The following SLC25A40 variants were observed in gnomAD, a reference collection of about 807,000 sequenced individuals.
SLC25A40 encodes the protein solute carrier family 25 member 40.
In SLC25A40, 41 loss-of-function variants were observed where a neutral mutation model predicts 46.5. The ratio of observed to expected loss-of-function variants is 0.88; its 90% CI spans 0.69 to 1.14. SLC25A40 has a LOEUF of 1.14. SLC25A40 is among the 50% of genes most tolerant of loss of function. SLC25A40 has a pLI of 0.00. For missense variants in SLC25A40, 386 were observed against 393.6 expected, an observed-to-expected ratio of 0.98 and a Z score of 0.16; for synonymous variants, 126 against 127.5, an observed-to-expected ratio of 0.99 and a Z score of 0.08.
intron 5 of SLC25A40, 132 bp downstream of exon 5, chr7:87,854,072 G>T: frequency 1.6e-6 from 1 of 638,344 alleles, no homozygotes; most frequent in Middle Eastern, 3.2e-4. Flanking sequence ...GTTAACAAAG[G>T]GTTAAAAGCA....
chr7:87,875,237 T>C (rs1838973523), intron 1 of SLC25A40, among the ~76,000 whole-genome samples: 1 of 152,194 alleles, frequency 6.6e-6, no homozygotes, highest in African/African-American at 2.4e-5. Context: ...TTCTCTCGAG[T>C]CATAAACATC....
At chr7:87,848,909 C>T (rs1186484112) in intron 6 of SLC25A40, among the ~76,000 whole-genome samples, 2 of 152,126 alleles carry the variant, frequency 1.3e-5, no homozygotes, top group Non-Finnish European at 2.9e-5. Context: ...TAACTTTAAA[C>T]CTTAAACATT....
chr7:87,868,214 A>G (rs1838835566), intron 1 of SLC25A40, among the ~76,000 whole-genome samples: 1 of 152,192 alleles, frequency 6.6e-6, no homozygotes, highest in Non-Finnish European at 1.5e-5. Context: ...TATAGAAACC[A>G]TGAATTAAAG....
intron 5 of SLC25A40, among the ~76,000 whole-genome samples, chr7:87,852,976 A>G (rs1838542271): frequency 6.6e-6 from 1 of 152,222 alleles, no homozygotes; most frequent in African/African-American, 2.4e-5. Flanking sequence ...CCTATAAAAG[A>G]TATTAATAAA....
chr7:87,841,129 C>T (rs979455396), intron 10 of SLC25A40, among the ~76,000 whole-genome samples: 1 of 142,622 alleles, frequency 7.0e-6, no homozygotes. Context: ...AGCTTAAAAA[C>T]AAAATGTGTG....
chr7:87,840,042 T>C (rs1838308612), intron 10 of SLC25A40, among the ~76,000 whole-genome samples: 1 of 151,868 alleles, frequency 6.6e-6, no homozygotes, highest in Non-Finnish European at 1.5e-5. Flanking sequence ...AACTGAAATA[T>C]ATCTTAGTAA....
intron 1 of SLC25A40, among the ~76,000 whole-genome samples, chr7:87,874,703 C>T (rs1355919474): frequency 6.6e-6 from 1 of 152,222 alleles, no homozygotes; most frequent in African/African-American, 2.4e-5. Context: ...CAAAAATGTT[C>T]ATTTAATCTT....
intron 1 of SLC25A40, among the ~76,000 whole-genome samples, chr7:87,871,544 T>C (rs954309721): frequency 1.6e-4 from 25 of 152,232 alleles, no homozygotes; most frequent in African/African-American, 6.0e-4. Context: ...TAACTACATT[T>C]TGGAATAATT....
intron 4 of SLC25A40, among the ~76,000 whole-genome samples, chr7:87,855,392 T>A (rs1406207300): frequency 6.6e-6 from 1 of 152,204 alleles, no homozygotes; most frequent in African/African-American, 2.4e-5. Flanking sequence ...TCTCTTTTTC[T>A]GTATCTGTAC....
At chr7:87,845,108 A>G (rs1838392039) in intron 8 of SLC25A40, among the ~76,000 whole-genome samples, 1 of 152,174 alleles carries the variant, frequency 6.6e-6, no homozygotes, top group East Asian at 1.9e-4. Context: ...ACAGAGTGAG[A>G]CCCTGACCAA....
In SLC25A40 at chr7:87,836,664, T is replaced by G. The variant is rs1053217487; in HGVS notation, c.904+66A>C. 73 of 1,076,430 alleles carry G rather than the reference T, an allele frequency of 6.8e-5. No homozygotes were observed. The African/African-American group carries it at 1.1e-3, about 16-fold the overall frequency. The allele number at this position is 1,076,430 out of a possible 1,614,324, so 66.7% of individuals were successfully genotyped here. A position where few individuals can be genotyped will look rare whatever the true frequency, so the allele number is the denominator to read the frequency against. ...CCTATAACTTCCTCCTATAAGTTAA[T>G]TTTAGAAGGTAATATTTTAAAAGTA... is the stretch of plus-strand genomic sequence containing the variant. On this transcript the variant is annotated intron_variant, in intron 11 of 11. Coordinates refer to ENST00000341119, the MANE Select transcript of SLC25A40 (RefSeq NM_018843.4).
At chr7:87,854,988 C>T (rs555991013) in intron 4 of SLC25A40, among the ~76,000 whole-genome samples, 1 of 151,618 alleles carries the variant, frequency 6.6e-6, no homozygotes, top group East Asian at 1.9e-4. Context: ...AGTGAGCCTC[C>T]ATCTCTACAA....
In SLC25A40 at chr7:87,836,252, G is replaced by A; in HGVS notation, c.1014C>T (p.Tyr338=). Residue 338 remains tyrosine, a synonymous_variant, in exon 12 of 12, where the codon TAC becomes TAT. Transcript: ENST00000341119. ...FQKQNVRRQQ[Y] ...GTTTCAAGTTGAAACAGCATCACTAGTATTGCTGCCTTCGAACATTTTGTT... is the reference window on the plus strand; with the variant it reads ...GTTTCAAGTTGAAACAGCATCACTAATATTGCTGCCTTCGAACATTTTGTT... 2 of 1,577,506 alleles carry A rather than the reference G, an allele frequency of 1.3e-6. No homozygotes were observed. Among genetic ancestry groups the A allele is most frequent in the Admixed American group, 1.8e-5 (1 of 54,444 alleles).
At chr7:87,847,641 C>T (rs932442024) in intron 7 of SLC25A40, among the ~76,000 whole-genome samples, 1 of 152,256 alleles carries the variant, frequency 6.6e-6, no homozygotes, top group South Asian at 2.1e-4. Context: ...CATGATTTGA[C>T]CAAAATAGGC....
At chr7:87,857,084 A>G (rs111251748) in intron 3 of SLC25A40, among the ~76,000 whole-genome samples, 1 of 152,216 alleles carries the variant, frequency 6.6e-6, no homozygotes, top group African/African-American at 2.4e-5. Context: ...TTAAAATGCT[A>G]AACTATCACC....
At position 87,844,114 on chromosome 7, in the gene SLC25A40, G is replaced by A. The variant is rs1838378021; in HGVS notation, c.632-251C>T. On this transcript the variant is annotated intron_variant, in intron 8 of 11. Transcript: ENST00000341119. ...GACTATAATTCCAAAACCTGACAAG[G>A]ACAACGGGACAAAGGAAAAAAGTAA... 1.4e-5 allele frequency: 5 copies of A among 365,736 alleles called. No homozygotes were observed. The South Asian group carries it at 5.6e-4, about 41-fold the overall frequency. 22.7% of individuals were successfully genotyped at this position (365,736 alleles called of 1,614,324 possible).
chr7:87,836,732 G>GA lies in SLC25A40; in HGVS notation c.901dup (p.Ser301PhefsTer9). On this transcript the variant is annotated frameshift_variant, in exon 11 of 12. Transcript: ENST00000341119. LOFTEE classifies it high-confidence loss of function. ...TTCGGTAAAGCAAGTATTTTTACCTGAAAATAATCCGGAAAATCCATTTTT... is the reference window on the plus strand; with the variant it reads ...TTCGGTAAAGCAAGTATTTTTACCTGAAAAATAATCCGGAAAATCCATTTTT... The GA allele has an allele frequency of 6.5e-7, 1 of 1,528,122 alleles. No homozygotes were observed. Among genetic ancestry groups the GA allele is most frequent in the Non-Finnish European group, 8.8e-7 (1 of 1,136,720 alleles). The allele number at this position is 1,528,122 out of a possible 1,614,324, so 94.7% of individuals were successfully genotyped here.
At chr7:87,857,731 C>A (rs565478546) in intron 3 of SLC25A40, among the ~76,000 whole-genome samples, 1 of 152,096 alleles carries the variant, frequency 6.6e-6, no homozygotes, top group African/African-American at 2.4e-5. Flanking sequence ...GATAACTGTA[C>A]AAATTGATTG....
At chr7:87,852,315 C>G (rs1838526096) in intron 5 of SLC25A40, among the ~76,000 whole-genome samples, 1 of 152,168 alleles carries the variant, frequency 6.6e-6, no homozygotes, top group Non-Finnish European at 1.5e-5. Context: ...GATGCTGTGT[C>G]TCACGCCGGT....
Sources: allele counts gnomAD v4.1 joint callset (sites outside exome capture counted in the v4.1 genomes callset), GRCh38; gene constraint gnomAD v4.1.1; transcripts MANE v1.5; gene names NCBI Gene and HGNC (gene_info 2026-07-23, HGNC 2026-07-21).